The following ABI2 variants were observed in gnomAD, a reference collection of about 807,000 sequenced individuals.
ABI2 encodes the protein abelson interactor 2.
A neutral mutation model predicts 59.2 loss-of-function variants in ABI2; 25 were observed. The observed-to-expected ratio is 0.42, with a 90% CI of 0.31 to 0.59. The LOEUF (loss-of-function observed/expected upper bound fraction) is 0.59. Among genes scored for constraint, ABI2 ranks in the 20% least tolerant of loss-of-function variants. The pLI, the probability that ABI2 is intolerant of heterozygous loss-of-function variation, is 0.14. For synonymous variants in ABI2, 213 were observed against 235.5 expected (o/e 0.90, Z 0.87); for missense variants, 545 against 681.8 (o/e 0.80, Z 2.23).
At chr2:203,399,168 T>C (rs1253107713) in intron 8 of ABI2, among the ~76,000 whole-genome samples, 1 of 152,194 alleles carries the variant, frequency 6.6e-6, no homozygotes, top group Admixed American at 6.5e-5. Context: ...CCAGCAGCAA[T>C]GTGTGAGTTT....
At chr2:203,373,765 TATC>T (rs2095483070) in intron 2 of ABI2, among the ~76,000 whole-genome samples, 3 of 152,148 alleles carry the variant, frequency 2.0e-5, no homozygotes, top group African/African-American at 4.8e-5. Context: ...GGAAAATAAT[TATC>T]ATAAAATAAT....
chr2:203,348,536 A>G (rs1259342495), intron 1 of ABI2, among the ~76,000 whole-genome samples: 1 of 152,226 alleles, frequency 6.6e-6, no homozygotes, highest in East Asian at 1.9e-4. Context: ...GTAGATTTAT[A>G]AGCCAAAATT....
intron 4 of ABI2, among the ~76,000 whole-genome samples, chr2:203,389,204 T>C (rs1336676071): frequency 6.6e-6 from 1 of 152,224 alleles, no homozygotes; most frequent in African/African-American, 2.4e-5. Flanking sequence ...TACCCTCCGC[T>C]TATTAATGAG....
intron 1 of ABI2, among the ~76,000 whole-genome samples, chr2:203,349,673 G>A (rs950363061): frequency 2.0e-5 from 3 of 151,828 alleles, no homozygotes; most frequent in African/African-American, 7.3e-5. Flanking sequence ...CCAAAGTGGT[G>A]GGATTACAGG....
chr2:203,339,724 G>A (rs1442470627), intron 1 of ABI2, among the ~76,000 whole-genome samples: 2 of 152,124 alleles, frequency 1.3e-5, no homozygotes, highest in African/African-American at 4.8e-5. Context: ...GCACACCCAT[G>A]TTCATTTCAG....
chr2:203,402,910 A>G (rs893542613), intron 9 of ABI2, among the ~76,000 whole-genome samples, 176 bp downstream of exon 9: 1 of 152,254 alleles, frequency 6.6e-6, no homozygotes, highest in Non-Finnish European at 1.5e-5. Flanking sequence ...TCTTTAAAAA[A>G]AAATCAGTAT....
At chr2:203,422,202 G>A (rs766475115) in intron 11 of ABI2, among the ~76,000 whole-genome samples, 5 of 152,146 alleles carry the variant, frequency 3.3e-5, no homozygotes, top group Non-Finnish European at 5.9e-5. Context: ...GGAGGCTGAG[G>A]TGGGAGCATC....
intron 6 of ABI2, among the ~76,000 whole-genome samples, 171 bp from the exon 7 acceptor site, chr2:203,395,485 A>ACACACACACT (rs1553589685): frequency 6.8e-6 from 1 of 146,098 alleles, no homozygotes. Context: ...ACACACACAC[A>ACACACACACT]TTTTTTTTTA....
intron 1 of ABI2, chr2:203,355,123 C>T (rs1413894473): frequency 2.8e-6 from 1 of 360,514 alleles, no homozygotes; most frequent in African/African-American, 2.1e-5. Context: ...TGATGTAGAT[C>T]CTATTTTCTG....
chr2:203,332,774 A>G (rs1314919783), intron 1 of ABI2, among the ~76,000 whole-genome samples: 1 of 152,116 alleles, frequency 6.6e-6, no homozygotes, highest in Non-Finnish European at 1.5e-5. Context: ...AGATGAAATA[A>G]CTCCCTATTT....
intron 1 of ABI2, among the ~76,000 whole-genome samples, chr2:203,353,857 A>G (rs911368838): frequency 1.3e-5 from 2 of 152,096 alleles, no homozygotes; most frequent in African/African-American, 4.8e-5. Flanking sequence ...TGTCCATGTG[A>G]TATGCCCATA....
chr2:203,338,315 G>C lies in ABI2; in HGVS notation c.117+9684G>C, dbSNP rs144164319. ...CTGAAATTATAAAACTCTTTGGTATGGGTCAGATGTTTGTTCCCTTCAAAT... is the reference window on the plus strand; with the variant it reads ...CTGAAATTATAAAACTCTTTGGTATCGGTCAGATGTTTGTTCCCTTCAAAT... On this transcript the variant is annotated intron_variant, in intron 1 of 11. Transcript: ENST00000261018. Among the ~76,000 whole-genome samples the C allele has an allele frequency of 5.3e-3, 812 of 152,132 alleles. 9 individuals are homozygous for C. Among genetic ancestry groups the C allele is most frequent in the African/African-American group, 0.018 (738 of 41,514 alleles).
At chr2:203,364,858 C>T (rs1169894968) in intron 1 of ABI2, among the ~76,000 whole-genome samples, 1 of 151,626 alleles carries the variant, frequency 6.6e-6, no homozygotes, top group Non-Finnish European at 1.5e-5. Context: ...CTCAACCTCT[C>T]TAGTAGATAG....
intron 2 of ABI2, among the ~76,000 whole-genome samples, chr2:203,367,991 G>A (rs533682128): frequency 2.0e-5 from 3 of 151,582 alleles, no homozygotes; most frequent in East Asian, 1.9e-4. Context: ...GAGACAGAGT[G>A]AAACCCTGTC....
At chr2:203,416,246 G>A (rs2097887227) in intron 10 of ABI2, among the ~76,000 whole-genome samples, 1 of 151,988 alleles carries the variant, frequency 6.6e-6, no homozygotes, top group Admixed American at 6.6e-5. Flanking sequence ...AAGCTCAGCT[G>A]TATTGTACTG....
In ABI2 at chr2:203,417,113, G is replaced by C. The variant is rs769386616; in HGVS notation, c.1453+32G>C. ...TTCAGAAGGATATCTGGATAGATGG[G>C]AAGAAACCTCTACATAGAAATGAAA... On this transcript the variant is annotated intron_variant, in intron 11 of 11. Transcript: ENST00000261018. 3 of 1,551,500 alleles carry C rather than the reference G, an allele frequency of 1.9e-6. No homozygotes were observed. In the South Asian group the frequency reaches 3.7e-5, roughly 19 times the overall value.
intron 1 of ABI2, among the ~76,000 whole-genome samples, chr2:203,347,194 G>A (rs1043733683): frequency 1.3e-5 from 2 of 152,124 alleles, no homozygotes; most frequent in Non-Finnish European, 2.9e-5. Context: ...AGGAAGTGAT[G>A]GGTTTGGTCT....
chr2:203,385,377 C>T (rs1035441030), intron 4 of ABI2, among the ~76,000 whole-genome samples: 5 of 151,880 alleles, frequency 3.3e-5, no homozygotes, highest in South Asian at 4.2e-4. Context: ...GTGATCTGCC[C>T]GCCTCGGCCT....
At chr2:203,351,843 A>G in intron 1 of ABI2, among the ~76,000 whole-genome samples, 1 of 152,088 alleles carries the variant, frequency 6.6e-6, no homozygotes, top group East Asian at 1.9e-4. Context: ...GCCGGTTTTC[A>G]GTGTTTCAGT....
Sources: gnomAD v4.1 joint callset for allele counts (sites outside exome capture counted in the v4.1 genomes callset) on GRCh38, gnomAD v4.1.1 for gene constraint, MANE v1.5 for transcripts, NCBI Gene and HGNC (gene_info 2026-07-23, HGNC 2026-07-21) for gene names.